MFHAS1: variants seen among roughly 807,000 people sequenced by gnomAD.
The protein encoded by MFHAS1 is multifunctional ROCO family signaling regulator 1.
In MFHAS1, 50 loss-of-function variants were observed where a neutral mutation model predicts 70.4. The observed-to-expected ratio is 0.71, with a 90% CI of 0.57 to 0.90. The LOEUF (loss-of-function observed/expected upper bound fraction) is 0.90, where lower values mean the gene tolerates loss of function less well. Among genes scored for constraint, MFHAS1 ranks in the 40% least tolerant of loss-of-function variants. The pLI is 0.00. For missense variants in MFHAS1, 1,795 were observed against 1,347.6 expected (o/e 1.33, Z -5.20); for synonymous variants, 952 against 620.0 (o/e 1.54, Z -7.96).
chr8:8,892,909 G>A lies in MFHAS1; in HGVS notation c.150C>T (p.Ser50=), dbSNP rs750234704. The change falls in exon 1 of 3, where the codon TCC becomes TCT. Residue 50 remains serine, a synonymous_variant. Transcript: ENST00000276282. This position sits in a 1 kb window ranked among gnomAD's most constrained non-coding sequence, Gnocchi z 4.7. ...GCAGCACGAGCTGGGGGGAGGCGGG[G>A]GACTCGAGCGCGTCGGCCCCGGCCC... The part of the protein sequence containing the change: ...CPGAGADALE[S]PASPQLVLPA... The A allele has an allele frequency of 2.6e-6, 4 of 1,565,308 alleles. No individual in the cohort carries two copies. The highest frequency in any genetic ancestry group is 2.3e-5 in the South Asian group (2 of 85,234).
intron 1 of MFHAS1, among the ~76,000 whole-genome samples, chr8:8,816,539 C>A (rs76960788): frequency 6.6e-6 from 1 of 152,064 alleles, no homozygotes; most frequent in Non-Finnish European, 1.5e-5. Context: ...GCCATATAAG[C>A]GTGCATCGTT....
At chr8:8,855,278 C>G (rs914970961) in intron 1 of MFHAS1, among the ~76,000 whole-genome samples, 10 of 152,184 alleles carry the variant, frequency 6.6e-5, no homozygotes, top group Non-Finnish European at 1.5e-4. Context: ...ATCTGGCAAT[C>G]TTAACATTGT....
chr8:8,833,782 A>C (rs1215648448), intron 1 of MFHAS1, among the ~76,000 whole-genome samples: 1 of 152,222 alleles, frequency 6.6e-6, no homozygotes, highest in African/African-American at 2.4e-5. Flanking sequence ...CATTGCCAAA[A>C]AAATGAGAAG....
chr8:8,797,255 G>A (rs965142747), intron 2 of MFHAS1, 110 bp downstream of exon 2: 2 of 1,253,382 alleles, frequency 1.6e-6, no homozygotes, highest in Admixed American at 2.3e-5. Flanking sequence ...TGTTCAGGAG[G>A]ACTTTGCAAG....
intron 1 of MFHAS1, among the ~76,000 whole-genome samples, chr8:8,869,406 C>A (rs749854752): frequency 1.2e-4 from 18 of 152,240 alleles, no homozygotes; most frequent in African/African-American, 4.1e-4. Flanking sequence ...GCCAAGCACG[C>A]GACAATCAGC....
chr8:8,809,469 G>A (rs1806465943), intron 1 of MFHAS1, among the ~76,000 whole-genome samples: 1 of 151,976 alleles, frequency 6.6e-6, no homozygotes, highest in Non-Finnish European at 1.5e-5. Flanking sequence ...TCTCCTCACT[G>A]ACCCTAAAAA....
intron 2 of MFHAS1, among the ~76,000 whole-genome samples, chr8:8,794,389 G>C (rs187447233): frequency 5.9e-5 from 9 of 152,036 alleles, no homozygotes; most frequent in East Asian, 5.8e-4. Context: ...CAAATCTCCC[G>C]CTTCCAATCC....
At chr8:8,889,604 C>G (rs534119833) in intron 1 of MFHAS1, among the ~76,000 whole-genome samples, 1 of 152,182 alleles carries the variant, frequency 6.6e-6, no homozygotes, top group East Asian at 1.9e-4. Context: ...TATGTACTCA[C>G]GAAAATTTAA....
intron 1 of MFHAS1, among the ~76,000 whole-genome samples, chr8:8,804,420 A>G (rs1372420593): frequency 1.3e-5 from 2 of 152,198 alleles, no homozygotes; most frequent in East Asian, 3.8e-4. Flanking sequence ...CAAACAAACA[A>G]AAAAACAACA....
chr8:8,886,147 T>C (rs1223732772), intron 1 of MFHAS1, among the ~76,000 whole-genome samples: 1 of 152,162 alleles, frequency 6.6e-6, no homozygotes, highest in African/African-American at 2.4e-5. Context: ...CAAAAAACTA[T>C]GAAACTAGTG....
chr8:8,853,124 C>G (rs1808307590), intron 1 of MFHAS1, among the ~76,000 whole-genome samples: 1 of 152,016 alleles, frequency 6.6e-6, no homozygotes, highest in Non-Finnish European at 1.5e-5. Flanking sequence ...ATTTCTCCTA[C>G]TACACAAACA....
At chr8:8,889,140 C>T (rs1431176289) in intron 1 of MFHAS1, among the ~76,000 whole-genome samples, 2 of 152,062 alleles carry the variant, frequency 1.3e-5, no homozygotes, top group Non-Finnish European at 2.9e-5. Context: ...AAAACACTCT[C>T]CAGAAAACTC....
rs563086752 is a variant in MFHAS1 at position 8,824,083 on chromosome 8, G to C, written c.2999-26592C>G. On this transcript the variant is annotated intron_variant, in intron 1 of 2. Coordinates refer to ENST00000276282, the MANE Select transcript of MFHAS1 (RefSeq NM_004225.3). Reference sequence around the variant, plus strand: ...AGGAGCTCAGGCTACCTGCCTGTGAGGCAGAACTAAATCTATGCATCCGTA... The same window carrying C: ...AGGAGCTCAGGCTACCTGCCTGTGACGCAGAACTAAATCTATGCATCCGTA... 7.9e-5 allele frequency among the ~76,000 whole-genome samples: 12 copies of C among 151,444 alleles called. No individual in the cohort carries two copies. The South Asian group carries it at 8.5e-4, about 11-fold the overall frequency.
intron 1 of MFHAS1, among the ~76,000 whole-genome samples, chr8:8,874,903 AT>A (rs1378910141): frequency 4.0e-5 from 6 of 151,700 alleles, no homozygotes; most frequent in African/African-American, 1.2e-4. Context: ...AAACACTGTG[AT>A]TAAAAAAAAA....
intron 2 of MFHAS1, among the ~76,000 whole-genome samples, chr8:8,788,429 A>G: frequency 6.6e-6 from 1 of 152,222 alleles, no homozygotes. Context: ...CTGTAATCCC[A>G]CTGCTTTGGA....
chr8:8,816,052 C>CA (rs748420078), intron 1 of MFHAS1, among the ~76,000 whole-genome samples: 5 of 152,052 alleles, frequency 3.3e-5, no homozygotes, highest in Non-Finnish European at 7.4e-5. Context: ...CAAGCCAGAC[C>CA]AAAAACAGAG....
chr8:8,878,996 A>T (rs1231303807), intron 1 of MFHAS1, among the ~76,000 whole-genome samples: 1 of 152,196 alleles, frequency 6.6e-6, no homozygotes, highest in Non-Finnish European at 1.5e-5. Flanking sequence ...TGGTGTTCAG[A>T]AATGACTGAT....
At chr8:8,882,736 C>T (rs1184463768) in intron 1 of MFHAS1, among the ~76,000 whole-genome samples, 1 of 152,258 alleles carries the variant, frequency 6.6e-6, no homozygotes, top group African/African-American at 2.4e-5. Context: ...CATGCTAGAG[C>T]AGCCTTGGAG....
At position 8,881,871 on chromosome 8, in the gene MFHAS1, T is replaced by C. The variant is rs1282428719; in HGVS notation, c.2998+8190A>G. 5.4e-5 allele frequency among the ~76,000 whole-genome samples: 8 copies of C among 147,944 alleles called. No individual in the cohort carries two copies. The East Asian group carries it at 6.0e-4, about 11-fold the overall frequency. On this transcript the variant is annotated intron_variant, in intron 1 of 2. Coordinates refer to ENST00000276282, the MANE Select transcript of MFHAS1 (RefSeq NM_004225.3). ...CCAGTGAACCATCAGCTTTGGGAGG[T>C]TGGAGTATTCACTGCCTCAAGGCCA...
Sources: gnomAD v4.1 joint callset for allele counts (sites outside exome capture counted in the v4.1 genomes callset) on GRCh38, gnomAD v4.1.1 for gene constraint, Gnocchi (gnomAD v3.1) non-coding constraint, MANE v1.5 for transcripts, NCBI Gene and HGNC (gene_info 2026-07-23, HGNC 2026-07-21) for gene names.